The following DHRS4L2 variants were observed in gnomAD, a reference collection of about 807,000 sequenced individuals.
The protein encoded by DHRS4L2 is dehydrogenase/reductase 4 like 2, also known as dehydrogenase/reductase SDR family member 4-like 2.
Under a neutral mutation model 23.9 loss-of-function variants are expected in DHRS4L2, and 22 were observed. The ratio of observed to expected loss-of-function variants is 0.92; its 90% CI spans 0.66 to 1.31. The LOEUF (loss-of-function observed/expected upper bound fraction) is 1.31. Among genes scored for constraint, DHRS4L2 ranks in the 40% most tolerant of loss-of-function variants. The pLI, the probability that DHRS4L2 is intolerant of heterozygous loss-of-function variation, is 0.00. For synonymous variants in DHRS4L2, 141 were observed against 123.7 expected (o/e 1.14, Z -0.93); for missense variants, 385 against 303.3 (o/e 1.27, Z -2.00).
upstream of DHRS4L2, among the ~76,000 whole-genome samples, chr14:23,986,737 C>CG (rs2034150917): frequency 2.6e-5 from 4 of 150,988 alleles, no homozygotes; most frequent in African/African-American, 7.3e-5. Context: ...AGATCAAATA[C>CG]CCCCCTGGAG....
In DHRS4L2 at chr14:23,990,324, G is replaced by A. The variant is rs1014420446; in HGVS notation, c.271G>A (p.Gly91Arg). 1.6e-5 allele frequency: 25 copies of A among 1,611,948 alleles called. No homozygotes were observed. The highest frequency in any genetic ancestry group is 2.1e-5 in the Non-Finnish European group (25 of 1,179,024). ...CGTGACGGGCACTGTGTGCCATGTG[G>A]GGAAGGCGGAGGACCGGGAGCGGCT... Reference protein sequence around the residue: ...LSVTGTVCHVGKAEDRERLVA... With the variant: ...LSVTGTVCHVRKAEDRERLVA... The change falls in exon 2 of 8, where the codon GGG (glycine) becomes AGG (arginine). Residue 91 changes from glycine to arginine, a missense_variant. Transcript: ENST00000335125.
chr14:23,969,894 C>A (rs779395918), exon 1 of DHRS4L2: 1 of 425,602 alleles, frequency 2.3e-6, no homozygotes, highest in South Asian at 1.7e-5. Context: ...GGGCAGCTCT[C>A]CGGGCCGGCG....
At chr14:23,977,097 G>T (rs2033981735) in intron 1 of DHRS4L2, among the ~76,000 whole-genome samples, 1 of 151,644 alleles carries the variant, frequency 6.6e-6, no homozygotes, top group Non-Finnish European at 1.5e-5. Flanking sequence ...AGAACTCAAA[G>T]TATAATAATA....
At chr14:23,988,808 C>T (rs1158048263), upstream of DHRS4L2, 19 of 1,404,264 alleles carry the variant, frequency 1.4e-5, no homozygotes, top group Non-Finnish European at 1.8e-5. Flanking sequence ...CGGGAGGCGC[C>T]AACCGCCACA....
At chr14:23,989,139 C>G (rs958800310) in intron 1 of DHRS4L2, 64 bp downstream of exon 1, 1 of 1,538,772 alleles carries the variant, frequency 6.5e-7, no homozygotes, top group Admixed American at 2.0e-5. Context: ...GGTGTCTCGT[C>G]CTTTGCCTCC....
intron 1 of DHRS4L2, among the ~76,000 whole-genome samples, chr14:23,974,036 A>C (rs1222138868): frequency 6.6e-6 from 1 of 151,678 alleles, no homozygotes; most frequent in East Asian, 1.9e-4. Flanking sequence ...AACAGCAATC[A>C]CAACAAACTG....
chr14:23,998,305 A>C (rs1402251553), intron 3 of DHRS4L2, among the ~76,000 whole-genome samples: 1 of 151,884 alleles, frequency 6.6e-6, no homozygotes, highest in Non-Finnish European at 1.5e-5. Context: ...ATGGTAAATG[A>C]GCATTGGCTT....
At chr14:24,001,328 T>C in intron 5 of DHRS4L2, 56 bp from the exon 6 acceptor site, 1 of 1,584,722 alleles carries the variant, frequency 6.3e-7, no homozygotes, top group Non-Finnish European at 8.5e-7. Flanking sequence ...GTCTAGTTAT[T>C]AGAACCAAGA....
chr14:24,004,176 A>G (rs71405831), intron 6 of DHRS4L2, among the ~76,000 whole-genome samples, 161 bp from the exon 7 acceptor site: 8,039 of 144,196 alleles, frequency 0.056, 31 homozygotes, highest in Middle Eastern at 0.092. Context: ...AGGCTGAGGC[A>G]GGAGAATGGC....
intron 2 of DHRS4L2, among the ~76,000 whole-genome samples, chr14:23,993,577 G>C (rs2034313335): frequency 6.6e-6 from 1 of 151,348 alleles, no homozygotes; most frequent in African/African-American, 2.4e-5. Context: ...GGGTGGCTTT[G>C]TACTGAAAAC....
chr14:23,999,344 T>TAA lies in DHRS4L2; in HGVS notation c.409-1490_409-1489dup, dbSNP rs71426825. Among the ~76,000 whole-genome samples the TAA allele has an allele frequency of 7.6e-3, 406 of 53,560 alleles. 8 individuals carry two copies. Among genetic ancestry groups the TAA allele is most frequent in the Admixed American group, 0.011 (36 of 3,356 alleles). The allele number at this position is 53,560 out of a possible 152,430, so 35.1% of individuals were successfully genotyped here. A position where few individuals can be genotyped will look rare whatever the true frequency, so the allele number is the denominator to read the frequency against. On this transcript the variant is annotated intron_variant, in intron 3 of 7. Transcript: ENST00000335125. Reference sequence around the variant, plus strand: ...AGGGTTGCCACGAAACTCCAATTTGTAAAAAAAAAAAAAAAAAAAAAAAAA... The same window carrying TAA: ...AGGGTTGCCACGAAACTCCAATTTGTAAAAAAAAAAAAAAAAAAAAAAAAAAA...
chr14:23,996,336 A>G (rs886808078), intron 3 of DHRS4L2, among the ~76,000 whole-genome samples: 7 of 151,558 alleles, frequency 4.6e-5, no homozygotes, highest in Non-Finnish European at 1.0e-4. Context: ...TTGCCAAAAT[A>G]CTATGATTTA....
At position 23,977,225 on chromosome 14, in the gene DHRS4L2, G is replaced by T. The variant is rs1234253267; in HGVS notation, c.-176+6893G>T. 2.0e-5 allele frequency among the ~76,000 whole-genome samples: 3 copies of T among 151,748 alleles called. 1 individual carries two copies. Among genetic ancestry groups the T allele is most frequent in the Non-Finnish European group, 4.4e-5 (3 of 67,956 alleles). On this transcript the variant is annotated intron_variant, in intron 1 of 5. Coordinates refer to the DHRS4L2 transcript ENST00000534993. ...ATCCATTCACTGTTTTCTTTTCTGG[G>T]TTCTTTTTTAAGTAAATAATTGGCT...
chr14:23,996,491 CAAT>C (rs72328444), intron 3 of DHRS4L2, among the ~76,000 whole-genome samples: 1,979 of 139,574 alleles, frequency 0.014, 18 homozygotes, highest in Middle Eastern at 0.035. Context: ...ACAACAACAA[CAAT>C]GACAACAAAA....
chr14:23,991,737 C>CTTT (rs56024121), intron 2 of DHRS4L2, among the ~76,000 whole-genome samples: 28 of 139,884 alleles, frequency 2.0e-4, no homozygotes, highest in African/African-American at 6.0e-4. Context: ...GCCTCCATAT[C>CTTT]TTTTTTTTTT....
At chr14:23,988,926 C>T (rs2034205034), upstream of DHRS4L2, 2 of 1,610,740 alleles carry the variant, frequency 1.2e-6, no homozygotes, top group Non-Finnish European at 1.7e-6. Flanking sequence ...AGGAGTGGAA[C>T]CCAGACTTGC....
At chr14:23,987,686 A>C (rs567278384), upstream of DHRS4L2, among the ~76,000 whole-genome samples, 14 of 151,876 alleles carry the variant, frequency 9.2e-5, no homozygotes, top group African/African-American at 3.1e-4. Flanking sequence ...AAAAAGAAGG[A>C]AAGGTATACT....
At chr14:23,992,941 A>T (rs368101373) in intron 2 of DHRS4L2, among the ~76,000 whole-genome samples, 3,228 of 146,690 alleles carry the variant, frequency 0.022, 83 homozygotes, top group Middle Eastern at 0.055. Context: ...GGGCCTACCA[A>T]AGTGCTAGGA....
upstream of DHRS4L2, among the ~76,000 whole-genome samples, chr14:23,987,067 A>T (rs2034159906): frequency 6.6e-6 from 1 of 151,552 alleles, no homozygotes; most frequent in Admixed American, 6.6e-5. Context: ...AACACTAGAA[A>T]TCCAGTGCAG....
Sources: gnomAD v4.1 joint callset for allele counts (sites outside exome capture counted in the v4.1 genomes callset) on GRCh38, gnomAD v4.1.1 for gene constraint, MANE v1.5 for transcripts, NCBI Gene and HGNC (gene_info 2026-07-23, HGNC 2026-07-21) for gene names.